The following DGKI variants were observed in gnomAD, a reference collection of about 807,000 sequenced individuals.
DGKI encodes DAG kinase iota.
A neutral mutation model predicts 147.5 loss-of-function variants in DGKI; 55 were observed. The observed-to-expected ratio is 0.37, with a 90% confidence interval of 0.30 to 0.47. DGKI has a LOEUF of 0.47. Ranked by LOEUF, DGKI falls within the 20% of genes least tolerant of loss-of-function variation. The pLI, the probability that DGKI is intolerant of heterozygous loss-of-function variation, is 1.00. For synonymous variants in DGKI, 469 were observed against 477.1 expected (o/e 0.98, Z 0.22); for missense variants, 1,007 against 1,323.8 (o/e 0.76, Z 3.71).
intron 21 of DGKI, chr7:137,493,676 A>T (rs1815855397): frequency 2.9e-6 from 2 of 690,074 alleles, no homozygotes; most frequent in Non-Finnish European, 5.2e-6. Flanking sequence ...CCAAAAAAAC[A>T]TCTAAAAGAT....
chr7:137,469,213 C>T (rs910389268), intron 24 of DGKI, among the ~76,000 whole-genome samples: 2 of 152,146 alleles, frequency 1.3e-5, no homozygotes, highest in African/African-American at 4.8e-5. Context: ...TTATATCCAT[C>T]CTATGCATAT....
intron 1 of DGKI, among the ~76,000 whole-genome samples, chr7:137,719,587 C>T (rs1027924357): frequency 6.6e-6 from 1 of 152,092 alleles, no homozygotes; most frequent in African/African-American, 2.4e-5. Flanking sequence ...TTCAGCACCA[C>T]GCTGCCCAAA....
intron 6 of DGKI, among the ~76,000 whole-genome samples, chr7:137,632,320 G>A (rs1377218721): frequency 6.6e-6 from 1 of 152,192 alleles, no homozygotes; most frequent in Non-Finnish European, 1.5e-5. Flanking sequence ...TTCAAAGACA[G>A]AATCCATTGA....
rs76355381 is a variant in DGKI at position 137,712,275 on chromosome 7, T to C, written c.402-22273A>G. Reference sequence around the variant, plus strand: ...TGGGTAGGGAATACTCAGATATTTGTTGGGTTATTACCCTTTATAATTTCC... The same window carrying C: ...TGGGTAGGGAATACTCAGATATTTGCTGGGTTATTACCCTTTATAATTTCC... On this transcript the variant is annotated intron_variant, in intron 1 of 32. Coordinates refer to ENST00000614521, the MANE Select transcript of DGKI (RefSeq NM_001321708.2). Among the ~76,000 whole-genome samples, 1,507 of 152,298 alleles carry C rather than the reference T, an allele frequency of 9.9e-3. 21 individuals carry two copies. Among genetic ancestry groups the C allele is most frequent in the African/African-American group, 0.035 (1,458 of 41,550 alleles).
intron 25 of DGKI, 118 bp from the exon 26 acceptor site, chr7:137,466,153 A>T: frequency 7.9e-7 from 1 of 1,270,966 alleles, no homozygotes; most frequent in Non-Finnish European, 1.1e-6. Context: ...CAGAAGCTTG[A>T]TCAGTTGGTG....
intron 28 of DGKI, among the ~76,000 whole-genome samples, chr7:137,425,800 T>C (rs562021092): frequency 1.5e-3 from 225 of 152,060 alleles, no homozygotes; most frequent in African/African-American, 5.1e-3. Flanking sequence ...AGGGTATCAG[T>C]GATGGAAGAT....
At chr7:137,649,662 G>A (rs945046576) in intron 5 of DGKI, among the ~76,000 whole-genome samples, 1 of 151,622 alleles carries the variant, frequency 6.6e-6, no homozygotes, top group Non-Finnish European at 1.5e-5. Flanking sequence ...ATACTGCTCA[G>A]GTGATGCGTG....
intron 1 of DGKI, among the ~76,000 whole-genome samples, chr7:137,842,796 C>T: frequency 6.6e-6 from 1 of 151,688 alleles, no homozygotes; most frequent in East Asian, 1.9e-4. Flanking sequence ...GAAGAGTTCC[C>T]TAAAATTATA....
chr7:137,535,963 T>C (rs1817504699), intron 20 of DGKI, among the ~76,000 whole-genome samples: 1 of 152,204 alleles, frequency 6.6e-6, no homozygotes, highest in Non-Finnish European at 1.5e-5. Context: ...ACCTGAAATT[T>C]GTCATTCTGA....
At chr7:137,810,386 G>A (rs796855007) in intron 1 of DGKI, among the ~76,000 whole-genome samples, 53 of 152,192 alleles carry the variant, frequency 3.5e-4, no homozygotes, top group African/African-American at 1.1e-3. Flanking sequence ...AAAAGAAAAC[G>A]AAACTATGAA....
At chr7:137,570,275 G>C (rs1245415265) in intron 19 of DGKI, among the ~76,000 whole-genome samples, 1 of 152,122 alleles carries the variant, frequency 6.6e-6, no homozygotes, top group Non-Finnish European at 1.5e-5. Context: ...TTAATAATAA[G>C]CAGGAATGCA....
intron 10 of DGKI, among the ~76,000 whole-genome samples, chr7:137,605,084 G>C (rs966664303): frequency 6.6e-6 from 1 of 152,088 alleles, no homozygotes; most frequent in Non-Finnish European, 1.5e-5. Flanking sequence ...AAGGCGGGCA[G>C]ATCACCTGAG....
rs566433556 is a variant in DGKI, at chr7:137,534,959, CAA to C, written c.2148-12995_2148-12994del. On this transcript the variant is annotated intron_variant, in intron 20 of 32. Transcript: ENST00000614521. The stretch of plus-strand genomic sequence containing the variant: ...TATAAAGAGGGAATTTGGACACAGA[CAA>C]AGAGGGAAGACCATATGAAGACATG... Among the ~76,000 whole-genome samples the C allele has an allele frequency of 3.3e-5, 5 of 152,054 alleles. No homozygotes were observed. In the South Asian group the frequency reaches 1.0e-3, roughly 32 times the overall value.
intron 2 of DGKI, among the ~76,000 whole-genome samples, chr7:137,683,089 A>C (rs1823295394): frequency 6.6e-6 from 1 of 151,952 alleles, no homozygotes; most frequent in African/African-American, 2.4e-5. Flanking sequence ...ATATACCCCC[A>C]ATTACTTACT....
Position 137,602,708 on chromosome 7 carries a change from G to T in DGKI, c.1168-2803C>A, listed in dbSNP as rs117922725. Among the ~76,000 whole-genome samples the T allele has an allele frequency of 7.4e-3, 1,132 of 152,152 alleles. 4 individuals carry two copies. Among genetic ancestry groups the T allele is most frequent in the Middle Eastern group, 0.017 (5 of 294 alleles). On this transcript the variant is annotated intron_variant, in intron 10 of 32. Coordinates refer to ENST00000614521, the MANE Select transcript of DGKI (RefSeq NM_001321708.2). The stretch of plus-strand genomic sequence containing the variant: ...GATAATTTATTAAATGTAACTGAAT[G>T]GTTTGACAAATATTAATTCACCAGG...
chr7:137,484,520 C>T (rs192343793), intron 23 of DGKI, among the ~76,000 whole-genome samples: 48 of 152,114 alleles, frequency 3.2e-4, no homozygotes, highest in African/African-American at 1.1e-3. Context: ...GGGTAAGGAG[C>T]CTTCAGATAA....
chr7:137,422,367 G>A (rs1334072914), intron 28 of DGKI, among the ~76,000 whole-genome samples: 1 of 152,032 alleles, frequency 6.6e-6, no homozygotes, highest in African/African-American at 2.4e-5. Context: ...TCTTTCTCTA[G>A]CAATAAATTA....
At chr7:137,592,779 T>G (rs1819661106) in intron 12 of DGKI, among the ~76,000 whole-genome samples, 1 of 152,240 alleles carries the variant, frequency 6.6e-6, no homozygotes, top group African/African-American at 2.4e-5. Context: ...CCTTTTGATA[T>G]TTTAATGTAT....
Position 137,456,300 on chromosome 7 carries a change from A to G in DGKI, c.2735+7189T>C, listed in dbSNP as rs555340751. 5.9e-5 allele frequency among the ~76,000 whole-genome samples: 9 copies of G among 152,344 alleles called. No individual in the cohort carries two copies. In the East Asian group the frequency reaches 1.7e-3, roughly 29 times the overall value. On this transcript the variant is annotated intron_variant, in intron 27 of 32. Coordinates refer to ENST00000614521, the MANE Select transcript of DGKI (RefSeq NM_001321708.2). Reference sequence around the variant, plus strand: ...AAATGGAACCCACAGCCTAACAAAAATGGTCAACATTTTACATATTATTTT... The same window carrying G: ...AAATGGAACCCACAGCCTAACAAAAGTGGTCAACATTTTACATATTATTTT...
Sources: gnomAD v4.1 joint callset for allele counts (sites outside exome capture counted in the v4.1 genomes callset) on GRCh38, gnomAD v4.1.1 for gene constraint, MANE v1.5 for transcripts, NCBI Gene and HGNC (gene_info 2026-07-23, HGNC 2026-07-21) for gene names.